IQCK: variants seen among roughly 807,000 people sequenced by gnomAD.
IQCK encodes IQ motif containing K.
A neutral mutation model predicts 28.1 loss-of-function variants in IQCK; 29 were observed. That is an observed-to-expected ratio of 1.03 (90% CI 0.77 to 1.41). The LOEUF is 1.41. Among genes scored for constraint, IQCK ranks in the 40% most tolerant of loss-of-function variants. IQCK has a pLI of 0.00. For missense variants in IQCK, 359 were observed against 314.7 expected (o/e 1.14, Z -1.07); for synonymous variants, 113 against 115.1 (o/e 0.98, Z 0.12).
At chr16:19,733,779 C>T (rs545479453) in exon 3 of IQCK, 33 of 1,614,118 alleles carry the variant, frequency 2.0e-5, no homozygotes, top group South Asian at 1.1e-4. Flanking sequence ...CATGATCTCA[C>T]GTACACCCTG....
At chr16:19,810,434 T>G (rs1160292386) in intron 7 of IQCK, among the ~76,000 whole-genome samples, 2 of 151,352 alleles carry the variant, frequency 1.3e-5, no homozygotes, top group African/African-American at 4.9e-5. Context: ...GAGGTGGAGC[T>G]TGCAGTGAGC....
chr16:19,824,007 G>A (rs184915776), intron 7 of IQCK, among the ~76,000 whole-genome samples: 786 of 152,240 alleles, frequency 5.2e-3, no homozygotes, highest in Non-Finnish European at 8.6e-3. Context: ...TGGCACCAGG[G>A]ACCAGTTTCG....
downstream of IQCK, among the ~76,000 whole-genome samples, chr16:19,829,214 G>A (rs1204230735): frequency 3.3e-5 from 5 of 151,752 alleles, no homozygotes; most frequent in South Asian, 4.2e-4. Context: ...GCCTTGGGTC[G>A]TCTAACCTCC....
At chr16:19,831,929 C>T (rs569238699), downstream of IQCK, among the ~76,000 whole-genome samples, 5 of 152,126 alleles carry the variant, frequency 3.3e-5, no homozygotes, top group South Asian at 4.2e-4. Flanking sequence ...AGGATGGAAG[C>T]GGTGTGAAGT....
intron 7 of IQCK, among the ~76,000 whole-genome samples, chr16:19,804,520 C>T (rs944199389): frequency 1.3e-5 from 2 of 151,950 alleles, no homozygotes; most frequent in Admixed American, 1.3e-4. Context: ...CTACTGCAAC[C>T]TCCACCTCCC....
At chr16:19,856,117 GC>G (rs2056556996) in intron 9 of IQCK, among the ~76,000 whole-genome samples, 1 of 152,234 alleles carries the variant, frequency 6.6e-6, no homozygotes, top group Admixed American at 6.5e-5. Context: ...ATTTTGGGTG[GC>G]TGGAGAACAG....
intron 3 of IQCK, among the ~76,000 whole-genome samples, chr16:19,734,773 T>A (rs1977957861): frequency 6.9e-6 from 1 of 145,758 alleles, no homozygotes; most frequent in Admixed American, 6.9e-5. Context: ...AGAGTGAGAC[T>A]CTGTCTCAAA....
intron 7 of IQCK, among the ~76,000 whole-genome samples, chr16:19,813,770 C>T (rs2055938568): frequency 6.6e-6 from 1 of 151,980 alleles, no homozygotes; most frequent in Admixed American, 6.6e-5. Context: ...AACTAAAATA[C>T]TAGATAACAA....
At chr16:19,817,691 A>G (rs183052228) in intron 7 of IQCK, among the ~76,000 whole-genome samples, 4 of 152,260 alleles carry the variant, frequency 2.6e-5, no homozygotes, top group Non-Finnish European at 4.4e-5. Context: ...TTAATTATTT[A>G]TAAGTTAAAG....
At chr16:19,724,009 G>A (rs1277289173) in intron 1 of IQCK, among the ~76,000 whole-genome samples, 4 of 151,244 alleles carry the variant, frequency 2.6e-5, no homozygotes, top group Admixed American at 6.6e-5. Context: ...CTGCCCTGAT[G>A]GGCCAGACTC....
chr16:19,848,125 A>G (rs1597611462), intron 9 of IQCK, among the ~76,000 whole-genome samples: 2 of 152,214 alleles, frequency 1.3e-5, no homozygotes, highest in South Asian at 4.1e-4. Context: ...CCCATCAGTG[A>G]TGCACGAGCA....
downstream of IQCK, among the ~76,000 whole-genome samples, chr16:19,828,448 G>C (rs1410772189): frequency 1.4e-5 from 2 of 147,558 alleles, no homozygotes; most frequent in East Asian, 4.2e-4. Context: ...ATATCGGCCA[G>C]GCTAGTCTCA....
intron 6 of IQCK, among the ~76,000 whole-genome samples, chr16:19,775,288 A>G (rs2055375935): frequency 6.6e-6 from 1 of 151,772 alleles, no homozygotes; most frequent in Non-Finnish European, 1.5e-5. Flanking sequence ...ACTTTACTCT[A>G]GAGGTAACGC....
intron 1 of IQCK, among the ~76,000 whole-genome samples, chr16:19,725,186 C>T (rs1211837168): frequency 1.3e-5 from 2 of 152,040 alleles, no homozygotes; most frequent in Admixed American, 1.3e-4. Flanking sequence ...TTTAATATAC[C>T]TGATTTAAAA....
intron 9 of IQCK, among the ~76,000 whole-genome samples, chr16:19,837,292 T>C (rs547229302): frequency 6.6e-6 from 1 of 152,054 alleles, no homozygotes; most frequent in East Asian, 1.9e-4. Context: ...TCCCAGCTAC[T>C]TGGGAGGCTG....
intron 4 of IQCK, among the ~76,000 whole-genome samples, chr16:19,759,279 GCTCACCGCAA>G (rs2055099486): frequency 2.0e-5 from 3 of 152,102 alleles, no homozygotes; most frequent in Non-Finnish European, 4.4e-5. Context: ...TGGCGTGATA[GCTCACCGCAA>G]CCTCCGCCTC....
chr16:19,783,171 G>A (rs1018115387), intron 6 of IQCK, among the ~76,000 whole-genome samples: 3 of 151,938 alleles, frequency 2.0e-5, no homozygotes, highest in Admixed American at 1.3e-4. Context: ...GCTAATTTTT[G>A]TGTTTTTAGT....
At chr16:19,832,002 A>C (rs976130838), downstream of IQCK, among the ~76,000 whole-genome samples, 1 of 152,128 alleles carries the variant, frequency 6.6e-6, no homozygotes, top group African/African-American at 2.4e-5. Flanking sequence ...GTATGGTAAG[A>C]ATTTCAGCCA....
intron 4 of IQCK, among the ~76,000 whole-genome samples, chr16:19,760,955 G>A (rs1567546285): frequency 6.6e-6 from 1 of 152,176 alleles, no homozygotes; most frequent in Non-Finnish European, 1.5e-5. Flanking sequence ...CATGGCATTT[G>A]TAAACTGTCA....
Sources: gnomAD v4.1 joint callset for allele counts (sites outside exome capture counted in the v4.1 genomes callset) on GRCh38, gnomAD v4.1.1 for gene constraint, MANE v1.5 for transcripts, NCBI Gene and HGNC (gene_info 2026-07-23, HGNC 2026-07-21) for gene names.